The following KIAA1614 variants were observed in gnomAD, a reference collection of about 807,000 sequenced individuals.
KIAA1614 encodes the protein KIAA1614.
A neutral mutation model predicts 88.7 loss-of-function variants in KIAA1614; 76 were observed. That is an observed-to-expected ratio of 0.86 (90% confidence interval 0.71 to 1.04). The LOEUF is 1.04. Among genes scored for constraint, KIAA1614 ranks in the 50% least tolerant of loss-of-function variants. The pLI is 0.00. For synonymous variants in KIAA1614, 714 were observed against 675.5 expected (o/e 1.06, Z -0.88); for missense variants, 1,553 against 1,582.5 (o/e 0.98, Z 0.32).
Position 180,917,014 on chromosome 1 carries a change from T to C in KIAA1614, c.911T>C (p.Leu304Pro). ...CGGGTGGAGAGAAACCGCCTGTTGC[T>C]GCAGGAGATGCTCAACGTTTCTGGG... ...SDRVERNRLLLQEMLNVSGQS... is the reference protein window; with the variant it reads ...SDRVERNRLLPQEMLNVSGQS... The change falls in exon 2 of 9, where the codon CTG becomes CCG. Residue 304 changes from leucine to proline, a missense_variant. By Grantham distance (98) the Leu-to-Pro change is moderately conservative (BLOSUM62 -3). Transcript: ENST00000367588. 1 of 1,614,014 alleles carries C rather than the reference T, an allele frequency of 6.2e-7. No homozygotes were observed.
chr1:180,916,479 G>C lies in KIAA1614; in HGVS notation c.376G>C (p.Ala126Pro). The change falls in exon 2 of 9, where the codon GCC becomes CCC. Residue 126 changes from alanine (A) to proline (P), a missense_variant. Ala to Pro is a conservative substitution (Grantham distance 27, BLOSUM62 -1). Coordinates refer to ENST00000367588, the MANE Select transcript of KIAA1614 (RefSeq NM_020950.2). ...PQCRRGKAGR[A>P]GTPSEGSFLP... ...ATGCAGACGAGGCAAGGCAGGGAGA[G>C]CCGGGACTCCATCAGAGGGGTCTTT... The C allele has an allele frequency of 6.2e-7, 1 of 1,614,144 alleles. No individual in the cohort carries two copies. Among genetic ancestry groups the C allele is most frequent in the Non-Finnish European group, 8.5e-7 (1 of 1,180,042 alleles).
chr1:180,919,305 T>G (rs1274893894), intron 3 of KIAA1614, among the ~76,000 whole-genome samples: 1 of 152,156 alleles, frequency 6.6e-6, no homozygotes, highest in Non-Finnish European at 1.5e-5. Context: ...GGAATCACAG[T>G]TGCCTCCCCT....
intron 7 of KIAA1614, 40 bp downstream of exon 7, chr1:180,941,325 G>A (rs916177726): frequency 6.4e-7 from 1 of 1,573,030 alleles, no homozygotes; most frequent in Non-Finnish European, 8.7e-7. Flanking sequence ...GAAGCCAGTA[G>A]CGGTGCAACC....
At position 180,935,358 on chromosome 1, in the gene KIAA1614, G is replaced by C. The variant is rs1654297110; in HGVS notation, c.1449G>C (p.Ala483=). ...RQVLSTVLQA[A]DQGPLRSKPD... Reference sequence around the variant, plus strand: ...TGCTGAGCACCGTGTTGCAGGCCGCGGACCAGGGCCCCCTGCGCTCCAAGC... The same window carrying C: ...TGCTGAGCACCGTGTTGCAGGCCGCCGACCAGGGCCCCCTGCGCTCCAAGC... The change falls in exon 5 of 9, where the codon GCG becomes GCC. Residue 483 remains alanine (A), a synonymous_variant. Coordinates refer to ENST00000367588, the MANE Select transcript of KIAA1614 (RefSeq NM_020950.2). This position sits in a 1 kb window ranked among gnomAD's most constrained non-coding sequence, Gnocchi z 6.1. 6.1e-6 allele frequency: 9 copies of C among 1,466,368 alleles called. No homozygotes were observed. The highest frequency in any genetic ancestry group is 8.1e-6 in the Non-Finnish European group (9 of 1,114,362). 90.8% of individuals were successfully genotyped at this position (1,466,368 alleles called of 1,614,324 possible). A position where few individuals can be genotyped will look rare whatever the true frequency, so the allele number is the denominator to read the frequency against.
chr1:180,927,402 C>T (rs192898624), intron 3 of KIAA1614, among the ~76,000 whole-genome samples: 9 of 152,362 alleles, frequency 5.9e-5, no homozygotes, highest in Admixed American at 2.0e-4. Flanking sequence ...GGGTGCGGAA[C>T]GATGCTGGAG....
intron 3 of KIAA1614, chr1:180,928,179 G>A (rs1020287788): frequency 2.4e-6 from 1 of 409,764 alleles, no homozygotes; most frequent in Non-Finnish European, 4.3e-6. Flanking sequence ...TCCAGTGCCT[G>A]AGCAGATGTC....
chr1:180,940,143 G>C (rs967429155), intron 6 of KIAA1614, among the ~76,000 whole-genome samples: 2 of 152,228 alleles, frequency 1.3e-5, no homozygotes, highest in Non-Finnish European at 2.9e-5. Flanking sequence ...TAGGCACCTT[G>C]TTTGTCTTGC....
In KIAA1614 at chr1:180,936,219, C is replaced by A; in HGVS notation, c.2310C>A (p.His770Gln). 6.2e-7 allele frequency: 1 copy of A among 1,614,172 alleles called. No individual in the cohort carries two copies. The highest frequency in any genetic ancestry group is 8.5e-7 in the Non-Finnish European group (1 of 1,180,020). Residue 770 changes from histidine (H) to glutamine (Q), a missense_variant, in exon 5 of 9, where the codon CAC (histidine) becomes CAA (glutamine). Physicochemically the swap from His to Gln is conservative, Grantham distance 24 (BLOSUM62 0). Transcript: ENST00000367588. ...PGGQAQVTES[H>Q]ESLEIVSPSS... ...GCCAGGCCCAGGTTACAGAAAGCCA[C>A]GAGTCCCTGGAAATTGTCTCTCCTT... is the stretch of plus-strand genomic sequence containing the variant.
chr1:180,937,553 A>G (rs1654361521), intron 5 of KIAA1614, among the ~76,000 whole-genome samples: 1 of 152,204 alleles, frequency 6.6e-6, no homozygotes, highest in Non-Finnish European at 1.5e-5. Context: ...GGCAGAGATA[A>G]CAGGCTCACT....
intron 5 of KIAA1614, among the ~76,000 whole-genome samples, chr1:180,937,703 A>G (rs1654363129): frequency 6.6e-6 from 1 of 152,118 alleles, no homozygotes; most frequent in Non-Finnish European, 1.5e-5. Context: ...TGTGGATGCA[A>G]AGTCCCCTCC....
chr1:180,917,150 C>T, intron 2 of KIAA1614, 50 bp downstream of exon 2: 1 of 1,481,090 alleles, frequency 6.8e-7, no homozygotes. Context: ...GGAGGGAATC[C>T]AGAGGGAGGA....
At chr1:180,922,814 A>G (rs3856062) in intron 3 of KIAA1614, among the ~76,000 whole-genome samples, 148,903 of 152,258 alleles carry the variant, frequency 0.98, 72,906 homozygotes, top group Middle Eastern at 1. Flanking sequence ...CAGTTCTGAC[A>G]CTGTCTACCT....
intron 3 of KIAA1614, among the ~76,000 whole-genome samples, chr1:180,921,444 G>A (rs1195828330): frequency 1.3e-5 from 2 of 152,308 alleles, no homozygotes; most frequent in East Asian, 3.9e-4. Flanking sequence ...CTGAGAGAGA[G>A]ACCTCTGTGG....
intron 5 of KIAA1614, 105 bp from the exon 6 acceptor site, chr1:180,938,450 C>A: frequency 7.7e-7 from 1 of 1,305,776 alleles, no homozygotes; most frequent in Non-Finnish European, 1.1e-6. Flanking sequence ...CTCCACCTCT[C>A]CAGCTTCTTC....
At chr1:180,941,920 G>A (rs1403733844) in intron 7 of KIAA1614, among the ~76,000 whole-genome samples, 1 of 152,150 alleles carries the variant, frequency 6.6e-6, no homozygotes, top group Non-Finnish European at 1.5e-5. Flanking sequence ...ATCACACACA[G>A]TCTGACTTCG....
Position 180,945,332 on chromosome 1 carries a change from T to G in KIAA1614, c.3317T>G (p.Leu1106Arg). The G allele has an allele frequency of 6.3e-7, 1 of 1,590,488 alleles. No homozygotes were observed. The change falls in exon 9 of 9, where the codon CTC (leucine) becomes CGC (arginine). Residue 1106 changes from leucine to arginine, a missense_variant. Physicochemically the swap from Leu to Arg is moderately radical, Grantham distance 102 (BLOSUM62 -2). Transcript: ENST00000367588. ...GCCAAGACTTCACCACGGCGTGCCC[T>G]CAGTGTGGAGGACGTGGGTGCTCCC... ...RPAKTSPRRA[L>R]SVEDVGAPSL... is the part of the protein sequence containing the mutation.
chr1:180,933,008 A>T (rs1654235511), intron 4 of KIAA1614, among the ~76,000 whole-genome samples: 1 of 152,146 alleles, frequency 6.6e-6, no homozygotes, highest in African/African-American at 2.4e-5. Context: ...TCAAAGTGCT[A>T]GGATCACAGG....
chr1:180,935,247 G>A lies in KIAA1614; in HGVS notation c.1338G>A (p.Ser446=). ...SGGHRPRRGP[S]PSHVRFEDES... ...GGCACAGGCCGAGGCGGGGCCCCTC[G>A]CCGTCGCACGTGCGCTTTGAGGATG... Residue 446 remains serine (S), a synonymous_variant, in exon 5 of 9, where the codon TCG becomes TCA. Transcript: ENST00000367588. This position sits in a 1 kb window ranked among gnomAD's most constrained non-coding sequence, Gnocchi z 6.1. The A allele has an allele frequency of 6.6e-7, 1 of 1,525,066 alleles. No individual in the cohort carries two copies. The highest frequency in any genetic ancestry group is 1.3e-5 in the South Asian group (1 of 78,720). 94.5% of individuals were successfully genotyped at this position (1,525,066 alleles called of 1,614,324 possible). A position where few individuals can be genotyped will look rare whatever the true frequency, so the allele number is the denominator to read the frequency against.
intron 6 of KIAA1614, among the ~76,000 whole-genome samples, chr1:180,939,284 G>A (rs1438020959): frequency 6.6e-6 from 1 of 152,188 alleles, no homozygotes; most frequent in Non-Finnish European, 1.5e-5. Context: ...AGGCACCAGA[G>A]CCAGCTCTCC....
Sources: gnomAD v4.1 joint callset for allele counts (sites outside exome capture counted in the v4.1 genomes callset) on GRCh38, gnomAD v4.1.1 for gene constraint, Gnocchi (gnomAD v3.1) non-coding constraint, MANE v1.5 for transcripts, NCBI Gene and HGNC (gene_info 2026-07-23, HGNC 2026-07-21) for gene names.